The following ERC2 variants were observed in gnomAD, a reference collection of about 807,000 sequenced individuals.
The protein encoded by ERC2 is ELKS/RAB6-interacting/CAST family member 2.
In ERC2, 42 loss-of-function variants were observed where a neutral mutation model predicts 114.8. That is an observed-to-expected ratio of 0.37 (90% CI 0.29 to 0.47). The LOEUF (loss-of-function observed/expected upper bound fraction) is 0.47, where lower values mean the gene tolerates loss of function less well. ERC2 is among the 20% of genes least tolerant of loss of function. ERC2 has a pLI of 0.99. For missense variants in ERC2, 939 were observed against 1,150.7 expected, an observed-to-expected ratio of 0.82 and a Z score of 2.66; for synonymous variants, 454 against 425.5, an observed-to-expected ratio of 1.07 and a Z score of -0.82.
At chr3:56,337,646 A>C (rs1364803533) in intron 2 of ERC2, among the ~76,000 whole-genome samples, 1 of 152,244 alleles carries the variant, frequency 6.6e-6, no homozygotes, top group Non-Finnish European at 1.5e-5. Context: ...AGAAAAAAAA[A>C]CACTGCTGGC....
At chr3:55,884,464 T>TC (rs2063272575) in intron 14 of ERC2, among the ~76,000 whole-genome samples, 1 of 152,186 alleles carries the variant, frequency 6.6e-6, no homozygotes, top group Admixed American at 6.5e-5. Flanking sequence ...CTCTTTTTTT[T>TC]CCCTTAAAAT....
intron 14 of ERC2, among the ~76,000 whole-genome samples, chr3:55,839,054 A>G (rs1308118427): frequency 6.6e-6 from 1 of 151,922 alleles, no homozygotes; most frequent in East Asian, 1.9e-4. Flanking sequence ...TAACCAAATT[A>G]CTTAAAACTA....
At chr3:55,530,263 C>A (rs1435207215) in intron 17 of ERC2, among the ~76,000 whole-genome samples, 1 of 152,214 alleles carries the variant, frequency 6.6e-6, no homozygotes, top group South Asian at 2.1e-4. Context: ...AAGGGCCAGA[C>A]AGTAAATGTG....
At chr3:55,808,236 A>T (rs2059566304) in intron 14 of ERC2, among the ~76,000 whole-genome samples, 2 of 152,066 alleles carry the variant, frequency 1.3e-5, no homozygotes, top group Admixed American at 6.6e-5. Flanking sequence ...GGGCCTAGTG[A>T]CCTAAAATAA....
At chr3:55,811,889 A>G (rs1575678971) in intron 14 of ERC2, among the ~76,000 whole-genome samples, 1 of 152,240 alleles carries the variant, frequency 6.6e-6, no homozygotes, top group South Asian at 2.1e-4. Flanking sequence ...ATACATACAC[A>G]GGATGTGAAG....
chr3:56,340,634 C>A (rs2058053299), intron 2 of ERC2, among the ~76,000 whole-genome samples: 1 of 151,252 alleles, frequency 6.6e-6, no homozygotes, highest in African/African-American at 2.4e-5. Flanking sequence ...AGCCTTGGGG[C>A]AAGTTTTCTT....
chr3:56,225,117 G>T (rs2050165878), intron 3 of ERC2, among the ~76,000 whole-genome samples: 1 of 151,962 alleles, frequency 6.6e-6, no homozygotes, highest in South Asian at 2.1e-4. Flanking sequence ...CCTATTCCTA[G>T]GTTTCTTTAG....
At chr3:55,871,872 T>C (rs1444908694) in intron 14 of ERC2, among the ~76,000 whole-genome samples, 1 of 152,214 alleles carries the variant, frequency 6.6e-6, no homozygotes, top group African/African-American at 2.4e-5. Context: ...GTTTCAACTC[T>C]AGGGGGAAAG....
intron 1 of ERC2, among the ~76,000 whole-genome samples, chr3:56,437,931 T>C (rs78793592): frequency 0.018 from 2,753 of 152,298 alleles, 37 homozygotes; most frequent in Middle Eastern, 0.041. Flanking sequence ...CAAATACACA[T>C]ACACCCTTTC....
chr3:56,266,017 A>G (rs1377178403), intron 3 of ERC2, among the ~76,000 whole-genome samples: 1 of 146,624 alleles, frequency 6.8e-6, no homozygotes, highest in Non-Finnish European at 1.5e-5. Flanking sequence ...TGACAGAGTG[A>G]GAATCCGACC....
chr3:56,187,336 G>GGGGT (rs2083689068), intron 3 of ERC2, among the ~76,000 whole-genome samples: 1 of 152,200 alleles, frequency 6.6e-6, no homozygotes, highest in South Asian at 2.1e-4. Flanking sequence ...AGGGTTGCTA[G>GGGGT]GGGTCTGAAT....
At chr3:55,895,138 T>A (rs952405852) in intron 13 of ERC2, among the ~76,000 whole-genome samples, 1 of 152,204 alleles carries the variant, frequency 6.6e-6, no homozygotes, top group South Asian at 2.1e-4. Flanking sequence ...ACCTACAAGA[T>A]CTTTGACCTT....
intron 16 of ERC2, among the ~76,000 whole-genome samples, chr3:55,684,960 G>A (rs2062249264): frequency 6.6e-6 from 1 of 152,128 alleles, no homozygotes; most frequent in Admixed American, 6.5e-5. Context: ...ACTCCTTATT[G>A]GTTAAGTTGT....
chr3:56,402,369 G>C (rs2060551426), intron 2 of ERC2, among the ~76,000 whole-genome samples: 1 of 152,194 alleles, frequency 6.6e-6, no homozygotes, highest in Non-Finnish European at 1.5e-5. Flanking sequence ...TGTTGCCATG[G>C]TAATGGAAAA....
chr3:55,771,673 A>C (rs761364532), intron 14 of ERC2, among the ~76,000 whole-genome samples: 44 of 152,140 alleles, frequency 2.9e-4, no homozygotes, highest in Non-Finnish European at 6.2e-4. Context: ...TGGGCTTCCA[A>C]TTAACACAAT....
intron 17 of ERC2, among the ~76,000 whole-genome samples, chr3:55,600,770 A>C (rs975513587): frequency 6.6e-6 from 1 of 152,160 alleles, no homozygotes; most frequent in African/African-American, 2.4e-5. Flanking sequence ...AGGCCTTTGG[A>C]AGTTGTCTGT....
chr3:56,088,585 T>C (rs1289049466), intron 6 of ERC2, among the ~76,000 whole-genome samples: 1 of 152,040 alleles, frequency 6.6e-6, no homozygotes, highest in Non-Finnish European at 1.5e-5. Context: ...AAAGACAGAC[T>C]GAAGAGGAAA....
At chr3:55,993,670 C>T (rs1168358719) in intron 10 of ERC2, among the ~76,000 whole-genome samples, 1 of 147,904 alleles carries the variant, frequency 6.8e-6, no homozygotes, top group African/African-American at 2.5e-5. Flanking sequence ...AAGAAATAAA[C>T]TCAATTACAC....
intron 14 of ERC2, among the ~76,000 whole-genome samples, chr3:55,815,792 T>C (rs2059885561): frequency 6.6e-6 from 1 of 152,098 alleles, no homozygotes; most frequent in Non-Finnish European, 1.5e-5. Flanking sequence ...AATTGGAAAG[T>C]TGACAGCCTT....
Sources: gnomAD v4.1 joint callset for allele counts (sites outside exome capture counted in the v4.1 genomes callset) on GRCh38, gnomAD v4.1.1 for gene constraint, MANE v1.5 for transcripts, NCBI Gene and HGNC (gene_info 2026-07-23, HGNC 2026-07-21) for gene names.